Variants in SPOCK1 observed in about 807,000 individuals in gnomAD.
SPOCK1 encodes the protein SPARC (osteonectin), cwcv and kazal like domains proteoglycan 1.
Under a neutral mutation model 55.3 loss-of-function variants are expected in SPOCK1, and 23 were observed. That is an observed-to-expected ratio of 0.42 (90% confidence interval 0.30 to 0.59). The LOEUF is 0.59. Ranked by LOEUF, SPOCK1 falls within the 20% of genes least tolerant of loss-of-function variation. The pLI is 0.22. For missense variants in SPOCK1, 499 were observed against 552.5 expected, an observed-to-expected ratio of 0.90 and a Z score of 0.97; for synonymous variants, 226 against 221.0, an observed-to-expected ratio of 1.02 and a Z score of -0.20.
At chr5:137,041,580 TG>T (rs749995407) in intron 6 of SPOCK1, among the ~76,000 whole-genome samples, 11 of 152,164 alleles carry the variant, frequency 7.2e-5, no homozygotes, top group Non-Finnish European at 1.3e-4. Flanking sequence ...ATAAAAGACT[TG>T]TATCCAAAAT....
rs754227950 is a variant in SPOCK1, at chr5:137,321,197, GAA to G, written c.187-54144_187-54143del. Among the ~76,000 whole-genome samples the G allele has an allele frequency of 2.1e-3, 177 of 83,124 alleles. 4 individuals are homozygous for G. The Middle Eastern group carries it at 0.032, about 15-fold the overall frequency. 54.5% of individuals were successfully genotyped at this position (83,124 alleles called of 152,430 possible). ...TATTCAGTCATAGAAACACCAACCAGAAAAAAAAAAAAAAAGTGAAGAAAGCC... is the reference window on the plus strand; with the variant it reads ...TATTCAGTCATAGAAACACCAACCAGAAAAAAAAAAAAAGTGAAGAAAGCC... On this transcript the variant is annotated intron_variant, in intron 2 of 10. Coordinates refer to ENST00000394945, the MANE Select transcript of SPOCK1 (RefSeq NM_004598.4).
intron 2 of SPOCK1, among the ~76,000 whole-genome samples, chr5:137,334,245 CT>C (rs1376768269): frequency 6.6e-6 from 1 of 152,226 alleles, no homozygotes; most frequent in Non-Finnish European, 1.5e-5. Context: ...AAACAAGTTT[CT>C]TTTCTGCTGA....
chr5:137,041,519 C>A (rs1211949557), intron 6 of SPOCK1, among the ~76,000 whole-genome samples: 3 of 151,984 alleles, frequency 2.0e-5, no homozygotes. Context: ...GTTAAGAGAA[C>A]CAAAAAGCAA....
At chr5:137,149,880 G>A (rs28427310) in intron 3 of SPOCK1, among the ~76,000 whole-genome samples, 35,367 of 152,116 alleles carry the variant, frequency 0.23, 4,469 homozygotes, top group Non-Finnish European at 0.28. Context: ...GAGGTATCTT[G>A]ATGGGTTACT....
chr5:137,328,187 A>C (rs1261742301), intron 2 of SPOCK1, among the ~76,000 whole-genome samples: 1 of 152,218 alleles, frequency 6.6e-6, no homozygotes, highest in Non-Finnish European at 1.5e-5. Context: ...GATTCTGTAG[A>C]ATCTGTACAT....
intron 3 of SPOCK1, among the ~76,000 whole-genome samples, chr5:137,194,394 T>C (rs997230729): frequency 6.6e-6 from 1 of 152,130 alleles, no homozygotes; most frequent in Non-Finnish European, 1.5e-5. Context: ...GAACAGCTCG[T>C]ACAAGGGCGC....
chr5:137,087,082 T>C lies in SPOCK1; in HGVS notation c.475-19253A>G, dbSNP rs77281006. 9.5e-3 allele frequency among the ~76,000 whole-genome samples: 1,449 copies of C among 152,324 alleles called. 61 individuals carry two copies. The East Asian group carries it at 0.13, about 14-fold the overall frequency. On this transcript the variant is annotated intron_variant, in intron 5 of 10. Coordinates refer to ENST00000394945, the MANE Select transcript of SPOCK1 (RefSeq NM_004598.4). Reference sequence around the variant, plus strand: ...GCAACTAGAGAAATCCTTGTAGATATTTGCTGAAATTAATCAAATCGATAC... The same window carrying C: ...GCAACTAGAGAAATCCTTGTAGATACTTGCTGAAATTAATCAAATCGATAC...
chr5:137,316,358 C>G (rs1161970434), intron 2 of SPOCK1, among the ~76,000 whole-genome samples: 1 of 152,190 alleles, frequency 6.6e-6, no homozygotes, highest in African/African-American at 2.4e-5. Flanking sequence ...AGAAAAAATC[C>G]TTTTATGTTC....
chr5:136,997,126 C>T (rs1166900618), intron 6 of SPOCK1, among the ~76,000 whole-genome samples: 1 of 152,216 alleles, frequency 6.6e-6, no homozygotes, highest in Non-Finnish European at 1.5e-5. Flanking sequence ...ATCATTTTTA[C>T]ACAATCTCCA....
intron 2 of SPOCK1, among the ~76,000 whole-genome samples, chr5:137,387,314 T>A (rs1465437808): frequency 6.6e-6 from 1 of 152,162 alleles, no homozygotes; most frequent in Non-Finnish European, 1.5e-5. Flanking sequence ...TCCAAAGGAA[T>A]TGAAAATGTA....
intron 2 of SPOCK1, among the ~76,000 whole-genome samples, chr5:137,391,019 C>T (rs1179287921): frequency 6.6e-6 from 1 of 152,134 alleles, no homozygotes; most frequent in East Asian, 1.9e-4. Context: ...TTAAGCCCTG[C>T]ATGCATTAGG....
At chr5:137,340,981 G>A (rs958771838) in intron 2 of SPOCK1, among the ~76,000 whole-genome samples, 1 of 151,790 alleles carries the variant, frequency 6.6e-6, no homozygotes, top group African/African-American at 2.4e-5. Context: ...CTCACATCCT[G>A]GCCTGACATC....
chr5:137,088,521 C>A (rs550284962), intron 5 of SPOCK1, among the ~76,000 whole-genome samples: 25 of 152,294 alleles, frequency 1.6e-4, no homozygotes, highest in African/African-American at 5.1e-4. Flanking sequence ...GATGCCAAAT[C>A]TATCAATCTC....
intron 1 of SPOCK1, 112 bp from the exon 2 acceptor site, chr5:137,498,670 C>A: frequency 2.2e-6 from 2 of 926,354 alleles, no homozygotes; most frequent in Non-Finnish European, 2.7e-6. Flanking sequence ...GCGGCGGGCA[C>A]GGGCAGCGCT....
intron 4 of SPOCK1, among the ~76,000 whole-genome samples, chr5:137,134,696 C>A (rs1157553214): frequency 6.6e-6 from 1 of 152,204 alleles, no homozygotes; most frequent in Non-Finnish European, 1.5e-5. Flanking sequence ...ACGTGTCTTC[C>A]AAACCTCGAC....
chr5:137,145,203 A>G (rs1319584888), intron 3 of SPOCK1, among the ~76,000 whole-genome samples: 2 of 152,200 alleles, frequency 1.3e-5, no homozygotes, highest in African/African-American at 4.8e-5. Flanking sequence ...ATTTAAAGAG[A>G]TTTGTTAAGC....
chr5:137,423,282 T>C (rs1752541032), intron 2 of SPOCK1, among the ~76,000 whole-genome samples: 1 of 152,180 alleles, frequency 6.6e-6, no homozygotes. Context: ...TCCAGCTGCA[T>C]TCTGGGAGAA....
chr5:137,491,136 C>A (rs939312877), intron 2 of SPOCK1, among the ~76,000 whole-genome samples: 11 of 152,204 alleles, frequency 7.2e-5, no homozygotes, highest in Non-Finnish European at 4.4e-5. Context: ...TATCACCATT[C>A]CAGTTTTACA....
intron 2 of SPOCK1, among the ~76,000 whole-genome samples, chr5:137,455,117 C>T (rs574712705): frequency 2.5e-4 from 38 of 152,248 alleles, no homozygotes; most frequent in African/African-American, 7.5e-4. Context: ...GAAATGGTGC[C>T]ACATTTTGAG....
Sources: allele counts gnomAD v4.1 joint callset (sites outside exome capture counted in the v4.1 genomes callset), GRCh38; gene constraint gnomAD v4.1.1; transcripts MANE v1.5; gene names NCBI Gene and HGNC (gene_info 2026-07-23, HGNC 2026-07-21).